The following CLEC4A variants were observed in gnomAD, a reference collection of about 807,000 sequenced individuals.
CLEC4A encodes the protein C-type (calcium dependent, carbohydrate-recognition domain) lectin, superfamily member 6.
CLEC4A carries 27 observed loss-of-function variants against 32.7 expected under a neutral mutation model. That is an observed-to-expected ratio of 0.83 (90% confidence interval 0.61 to 1.14). The LOEUF is 1.14. CLEC4A is among the 50% of genes most tolerant of loss of function. The pLI, the probability that CLEC4A is intolerant of heterozygous loss-of-function variation, is 0.00. For missense variants in CLEC4A, 253 were observed against 274.6 expected (o/e 0.92, Z 0.55); for synonymous variants, 89 against 93.7 (o/e 0.95, Z 0.29).
chr12:8,107,056 C>G, the CLEC4A span, among the ~76,000 whole-genome samples: 1 of 152,058 alleles, frequency 6.6e-6, no homozygotes, highest in Non-Finnish European at 1.5e-5. Flanking sequence ...CCTTCAATGC[C>G]TAGTGTGTTG....
Position 8,136,835 on chromosome 12 carries a change from G to T in CLEC4A, c.498G>T (p.Gly166=), listed in dbSNP as rs1248489169. The change falls in exon 5 of 6, where the codon GGG becomes GGT. Residue 166 remains glycine, a synonymous_variant. Transcript: ENST00000229332. ...NLQEESAYFV[G]LSDPEGQRHW... is the part of the protein sequence containing the mutation. ...AAGAAGAATCTGCTTATTTTGTGGG[G>T]CTCTCAGATCCAGAAGGTCAGCGAC... is the stretch of plus-strand genomic sequence containing the variant. 1 of 1,613,546 alleles carries T rather than the reference G, an allele frequency of 6.2e-7. No homozygotes were observed. The highest frequency in any genetic ancestry group is 8.5e-7 in the Non-Finnish European group (1 of 1,179,566).
chr12:8,131,031 T>G (rs1214409759), intron 3 of CLEC4A, among the ~76,000 whole-genome samples: 1 of 152,188 alleles, frequency 6.6e-6, no homozygotes, highest in Admixed American at 6.5e-5. Flanking sequence ...GCAATACTGG[T>G]CAGGTATATT....
Position 8,136,786 on chromosome 12 carries a change from A to G in CLEC4A, c.451-2A>G. 1 of 1,594,506 alleles carries G rather than the reference A, an allele frequency of 6.3e-7. No individual in the cohort carries two copies. Among genetic ancestry groups the G allele is most frequent in the Non-Finnish European group, 8.6e-7 (1 of 1,162,452 alleles). On this transcript the variant is annotated splice_acceptor_variant, in intron 4 of 5. Transcript: ENST00000229332. LOFTEE classifies it high-confidence loss of function. ...CTGTGACTCCTTCTTTTCCCCCCTC[A>G]GGATTTCATCTTCCAGAATCTGCAA... is the stretch of plus-strand genomic sequence containing the variant.
At chr12:8,121,633 C>G (rs892967191), upstream of CLEC4A, 2 of 152,440 alleles carry the variant, frequency 1.3e-5, no homozygotes, top group Admixed American at 1.3e-4. Flanking sequence ...GGAACCAGAG[C>G]GAGGAGATGT....
chr12:8,136,336 G>A (rs1042203036), intron 4 of CLEC4A, among the ~76,000 whole-genome samples: 14 of 152,242 alleles, frequency 9.2e-5, no homozygotes, highest in African/African-American at 2.6e-4. Flanking sequence ...AGGCCAAGGC[G>A]GGCGGATCAC....
chr12:8,107,971 T>C, the CLEC4A span, among the ~76,000 whole-genome samples: 3 of 151,998 alleles, frequency 2.0e-5, no homozygotes, highest in Non-Finnish European at 4.4e-5. Flanking sequence ...CCTCTAGGAG[T>C]GGTGTTAGGT....
chr12:8,137,192 G>A (rs1022450842), intron 5 of CLEC4A, among the ~76,000 whole-genome samples: 6 of 152,202 alleles, frequency 3.9e-5, no homozygotes, highest in Non-Finnish European at 8.8e-5. Flanking sequence ...GGATCTTACT[G>A]TGCTTTTAAC....
intron 3 of CLEC4A, among the ~76,000 whole-genome samples, chr12:8,131,355 G>T (rs1947993068): frequency 6.6e-6 from 1 of 152,158 alleles, no homozygotes; most frequent in Non-Finnish European, 1.5e-5. Context: ...GTGGATTATG[G>T]TATCAGTCAT....
At chr12:8,134,001 C>T in intron 3 of CLEC4A, 4 of 1,606,436 alleles carry the variant, frequency 2.5e-6, no homozygotes, top group Middle Eastern at 1.7e-4. Flanking sequence ...GATCGCTTGC[C>T]CTTCTGGCGC....
At chr12:8,117,079 T>C in the CLEC4A span, among the ~76,000 whole-genome samples, 15 of 152,180 alleles carry the variant, frequency 9.9e-5, no homozygotes, top group Admixed American at 9.8e-4. Context: ...AATATAGTTA[T>C]AGAAATTCTA....
At position 8,128,853 on chromosome 12, in the gene CLEC4A, T is replaced by G. The variant is rs1389749176; in HGVS notation, c.200-411T>G. Among the ~76,000 whole-genome samples, 5 of 152,254 alleles carry G rather than the reference T, an allele frequency of 3.3e-5. No individual in the cohort carries two copies. The South Asian group carries it at 1.0e-3, about 32-fold the overall frequency. On this transcript the variant is annotated intron_variant, in intron 2 of 5. Coordinates refer to ENST00000229332, the MANE Select transcript of CLEC4A (RefSeq NM_016184.4). ...CCTCTTGATCCATGTGGGGTTCTTT[T>G]TAAAATTCTCCATTCTTCAAGGTAA...
intron 3 of CLEC4A, among the ~76,000 whole-genome samples, chr12:8,129,755 C>T (rs1947964765): frequency 1.3e-5 from 2 of 152,208 alleles, no homozygotes; most frequent in African/African-American, 4.8e-5. Context: ...TGTGCCACTG[C>T]ACTCCACCTG....
chr12:8,134,252 C>T (rs1325871467), intron 3 of CLEC4A: 23 of 1,612,146 alleles, frequency 1.4e-5, no homozygotes, highest in East Asian at 2.2e-5. Flanking sequence ...CAGCAAGGGC[C>T]GCAGCTCACA....
At chr12:8,135,047 C>CTTTTTTTTTTT (rs1187858911) in intron 3 of CLEC4A, among the ~76,000 whole-genome samples, 601 of 9,030 alleles carry the variant, frequency 0.067, 192 homozygotes, top group South Asian at 0.12. Flanking sequence ...ATTTTATTAT[C>CTTTTTTTTTTT]TTTTTTTTTT....
chr12:8,111,077 G>A, the CLEC4A span, among the ~76,000 whole-genome samples: 1 of 151,424 alleles, frequency 6.6e-6, no homozygotes, highest in African/African-American at 2.4e-5. Context: ...GTTTCACTGT[G>A]TTAGCCAGGA....
chr12:8,107,358 T>C, the CLEC4A span, among the ~76,000 whole-genome samples: 4 of 152,130 alleles, frequency 2.6e-5, no homozygotes, highest in African/African-American at 9.7e-5. Flanking sequence ...CTCTGCCAGG[T>C]TTTGGAATCA....
intron 3 of CLEC4A, chr12:8,134,413 C>G (rs1181800342): frequency 5.6e-6 from 9 of 1,613,754 alleles, no homozygotes; most frequent in African/African-American, 5.3e-5. Context: ...GCAAATTGCT[C>G]GAGTTCTTTC....
At chr12:8,132,849 CTGTT>C (rs1948022677) in intron 3 of CLEC4A, among the ~76,000 whole-genome samples, 1 of 151,596 alleles carries the variant, frequency 6.6e-6, no homozygotes, top group African/African-American at 2.4e-5. Flanking sequence ...TTACAAGGCT[CTGTT>C]TATTTTTTTT....
chr12:8,106,863 A>C, the CLEC4A span, among the ~76,000 whole-genome samples: 2 of 151,916 alleles, frequency 1.3e-5, no homozygotes, highest in Non-Finnish European at 2.9e-5. Context: ...GATACCTTTT[A>C]TTTCTTTCTC....
Sources: allele counts gnomAD v4.1 joint callset (sites outside exome capture counted in the v4.1 genomes callset), GRCh38; gene constraint gnomAD v4.1.1; transcripts MANE v1.5; gene names NCBI Gene and HGNC (gene_info 2026-07-23, HGNC 2026-07-21).